The following PARD3B variants were observed in gnomAD, a reference collection of about 807,000 sequenced individuals.
PARD3B encodes par-3 family cell polarity regulator beta, also known as partitioning defective 3 homolog B.
In PARD3B, 103 loss-of-function variants were observed where a neutral mutation model predicts 130.2. The observed-to-expected ratio is 0.79, with a 90% CI of 0.67 to 0.93. PARD3B has a LOEUF of 0.93. Among genes scored for constraint, PARD3B ranks in the 40% least tolerant of loss-of-function variants. The pLI is 0.00. For missense variants in PARD3B, 1,609 were observed against 1,499.2 expected (o/e 1.07, Z -1.21); for synonymous variants, 583 against 553.2 (o/e 1.05, Z -0.76).
chr2:205,123,575 G>T (rs2031015257), intron 8 of PARD3B, among the ~76,000 whole-genome samples: 1 of 150,180 alleles, frequency 6.7e-6, no homozygotes, highest in South Asian at 2.1e-4. Context: ...GTAAGATTTA[G>T]AGAGAGTGAT....
intron 2 of PARD3B, among the ~76,000 whole-genome samples, chr2:204,775,201 A>G (rs7579849): frequency 0.086 from 13,060 of 152,214 alleles, 1,266 homozygotes; most frequent in African/African-American, 0.24. Flanking sequence ...AAAGTGTCGT[A>G]TAATACGTGA....
chr2:205,206,234 A>G (rs1157465298), intron 15 of PARD3B, among the ~76,000 whole-genome samples: 2 of 111,646 alleles, frequency 1.8e-5, no homozygotes, highest in African/African-American at 3.5e-5. Flanking sequence ...TTTTTATTAT[A>G]CTTTAAGTTT....
chr2:205,509,941 A>G (rs2050528352), intron 21 of PARD3B, among the ~76,000 whole-genome samples: 1 of 152,232 alleles, frequency 6.6e-6, no homozygotes. Flanking sequence ...GCTCTGCTTA[A>G]AAATCTGCCC....
rs935640249 is a variant in PARD3B, at chr2:205,341,621, G to C, written c.2630+39920G>C. On this transcript the variant is annotated intron_variant, in intron 18 of 22. Transcript: ENST00000406610. The surrounding 1 kb of genome is among the most constrained non-coding windows in gnomAD (Gnocchi z 4.3). ...ATGGGGGAAGGAGAGGGTAGGGAGA[G>C]GTTGGTTAACAGACTCAAAATCATA... Among the ~76,000 whole-genome samples the C allele has an allele frequency of 6.6e-6, 1 of 152,038 alleles. No individual in the cohort carries two copies. The highest frequency in any genetic ancestry group is 2.4e-5 in the African/African-American group (1 of 41,410).
At chr2:204,580,996 C>CT (rs2032523651) in intron 1 of PARD3B, among the ~76,000 whole-genome samples, 1 of 152,134 alleles carries the variant, frequency 6.6e-6, no homozygotes, top group African/African-American at 2.4e-5. Context: ...CTTTGAAAAG[C>CT]TTTATTTCCT....
chr2:205,180,568 T>A (rs2125773115), intron 13 of PARD3B, among the ~76,000 whole-genome samples: 1 of 151,940 alleles, frequency 6.6e-6, no homozygotes, highest in African/African-American at 2.4e-5. Flanking sequence ...GAGGAGCTGT[T>A]ACAGCCAAAA....
intron 16 of PARD3B, among the ~76,000 whole-genome samples, chr2:205,298,030 T>C (rs1329840460): frequency 1.3e-5 from 2 of 152,226 alleles, no homozygotes; most frequent in Non-Finnish European, 2.9e-5. Context: ...GAGCTCCTTT[T>C]AGATAACGTG....
intron 20 of PARD3B, among the ~76,000 whole-genome samples, chr2:205,456,621 T>G (rs1448137312): frequency 1.3e-5 from 2 of 151,916 alleles, no homozygotes; most frequent in Non-Finnish European, 2.9e-5. Flanking sequence ...TGTCAAATGC[T>G]TTTTCCACTT....
chr2:205,029,959 T>A (rs889103745), intron 3 of PARD3B, among the ~76,000 whole-genome samples: 2 of 152,146 alleles, frequency 1.3e-5, no homozygotes, highest in African/African-American at 4.8e-5. Flanking sequence ...TGGAGCTATT[T>A]TTCCCGCCAA....
intron 19 of PARD3B, among the ~76,000 whole-genome samples, chr2:205,402,298 C>T (rs1410142856): frequency 6.6e-6 from 1 of 152,178 alleles, no homozygotes; most frequent in Non-Finnish European, 1.5e-5. Flanking sequence ...AAGATATTCT[C>T]CGTCATAACC....
intron 2 of PARD3B, among the ~76,000 whole-genome samples, chr2:204,957,878 A>C (rs549474260): frequency 6.6e-6 from 1 of 152,066 alleles, no homozygotes; most frequent in South Asian, 2.1e-4. Flanking sequence ...TTTGAGACAA[A>C]CGATTCCAAT....
chr2:205,217,888 A>ATTTTT lies in PARD3B; in HGVS notation c.2140+24569_2140+24570insTTTTT, dbSNP rs1559553094. On this transcript the variant is annotated intron_variant, in intron 15 of 22. Coordinates refer to ENST00000406610, the MANE Select transcript of PARD3B (RefSeq NM_001302769.2). ...TGTGTGTATATATATATATATATATATATATATTTTTTTTTTTATTTTTTT... is the reference window on the plus strand; with the variant it reads ...TGTGTGTATATATATATATATATATATTTTTTATATATTTTTTTTTTTATTTTTTT... 4.0e-5 allele frequency among the ~76,000 whole-genome samples: 3 copies of ATTTTT among 75,078 alleles called. 1 individual carries two copies. Among genetic ancestry groups the ATTTTT allele is most frequent in the South Asian group, 7.7e-4 (2 of 2,586 alleles). The allele number at this position is 75,078 out of a possible 152,430, so 49.3% of individuals were successfully genotyped here.
At chr2:205,401,171 G>A (rs1358225120) in intron 19 of PARD3B, 48 bp downstream of exon 19, 1 of 1,438,776 alleles carries the variant, frequency 7.0e-7, no homozygotes, top group African/African-American at 1.4e-5. Context: ...CTATGGTCTG[G>A]GTTTAATTTA....
intron 16 of PARD3B, among the ~76,000 whole-genome samples, chr2:205,296,186 T>A (rs1383273626): frequency 2.0e-5 from 3 of 152,194 alleles, no homozygotes; most frequent in Non-Finnish European, 4.4e-5. Flanking sequence ...ATCCTCAATA[T>A]GATAGCTGAG....
At chr2:204,767,049 G>A (rs2041196427) in intron 2 of PARD3B, among the ~76,000 whole-genome samples, 1 of 116,256 alleles carries the variant, frequency 8.6e-6, no homozygotes, top group Admixed American at 9.8e-5. Flanking sequence ...TGCACATTGT[G>A]CAGGTTAGTT....
chr2:205,130,088 A>T (rs1362194115), intron 10 of PARD3B, among the ~76,000 whole-genome samples: 5 of 152,178 alleles, frequency 3.3e-5, no homozygotes, highest in Non-Finnish European at 5.9e-5. Context: ...TCTTTACCAA[A>T]AGAAGGGTAT....
chr2:205,317,536 T>G (rs923284647), intron 18 of PARD3B, among the ~76,000 whole-genome samples: 2 of 152,134 alleles, frequency 1.3e-5, no homozygotes, highest in South Asian at 2.1e-4. Context: ...CTCATCCCAC[T>G]TTGAACACTG....
chr2:205,566,451 G>T (rs1368955986), intron 22 of PARD3B, among the ~76,000 whole-genome samples: 1 of 152,088 alleles, frequency 6.6e-6, no homozygotes, highest in Non-Finnish European at 1.5e-5. Flanking sequence ...TTGCATGTGG[G>T]GGTTTGAAGG....
At chr2:204,788,402 C>T (rs760399659) in intron 2 of PARD3B, among the ~76,000 whole-genome samples, 20 of 152,230 alleles carry the variant, frequency 1.3e-4, no homozygotes, top group Non-Finnish European at 2.6e-4. Context: ...AAATGACAAG[C>T]TGCCTGTTAC....
Sources: gnomAD v4.1 joint callset for allele counts (sites outside exome capture counted in the v4.1 genomes callset) on GRCh38, gnomAD v4.1.1 for gene constraint, Gnocchi (gnomAD v3.1) non-coding constraint, MANE v1.5 for transcripts, NCBI Gene and HGNC (gene_info 2026-07-23, HGNC 2026-07-21) for gene names.